The following CLRN1 variants were observed in gnomAD, a reference collection of about 807,000 sequenced individuals.
CLRN1 encodes the protein clarin 1.
CLRN1 carries 15 observed loss-of-function variants against 18.7 expected under a neutral mutation model. The ratio of observed to expected loss-of-function variants is 0.80; its 90% CI spans 0.54 to 1.23. CLRN1 has a LOEUF of 1.23. Among genes scored for constraint, CLRN1 ranks in the 50% most tolerant of loss-of-function variants. The pLI is 0.00. For synonymous variants in CLRN1, 104 were observed against 102.9 expected, an observed-to-expected ratio of 1.01 and a Z score of -0.07; for missense variants, 311 against 277.5, an observed-to-expected ratio of 1.12 and a Z score of -0.86.
chr3:150,938,852 G>A (rs991966687), intron 2 of CLRN1, among the ~76,000 whole-genome samples: 21 of 152,194 alleles, frequency 1.4e-4, no homozygotes, highest in African/African-American at 5.1e-4. Flanking sequence ...ATATATTTGT[G>A]TGCTCAGGTT....
intron 2 of CLRN1, among the ~76,000 whole-genome samples, chr3:150,939,181 G>A (rs879943644): frequency 6.6e-6 from 1 of 152,138 alleles, no homozygotes; most frequent in Non-Finnish European, 1.5e-5. Context: ...GAGCACCAGG[G>A]GGAGAGAGAA....
chr3:150,961,617 C>T (rs887223708), intron 1 of CLRN1, among the ~76,000 whole-genome samples: 6 of 152,122 alleles, frequency 3.9e-5, no homozygotes, highest in Non-Finnish European at 5.9e-5. Flanking sequence ...TCCTGTTTTT[C>T]GTCTCAACCT....
chr3:150,936,982 C>G lies in CLRN1; in HGVS notation c.433+4600G>C, dbSNP rs112357406. ...GTCTTCCCTGACCACCATCTCAAAGCCAGATCTCTGCTATCTTTCTCTTTC... is the reference window on the plus strand; with the variant it reads ...GTCTTCCCTGACCACCATCTCAAAGGCAGATCTCTGCTATCTTTCTCTTTC... On this transcript the variant is annotated intron_variant, in intron 2 of 2. Coordinates refer to ENST00000327047, the MANE Select transcript of CLRN1 (RefSeq NM_174878.3). 8.9e-3 allele frequency among the ~76,000 whole-genome samples: 1,359 copies of G among 152,308 alleles called. 20 individuals carry two copies. Among genetic ancestry groups the G allele is most frequent in the African/African-American group, 0.031 (1,271 of 41,560 alleles).
intron 2 of CLRN1, among the ~76,000 whole-genome samples, chr3:150,930,583 C>T (rs1202681688): frequency 6.6e-6 from 1 of 152,140 alleles, no homozygotes; most frequent in African/African-American, 2.4e-5. Context: ...GAGCTCTCCC[C>T]TGGCAAAACC....
At chr3:150,935,996 G>GT (rs1406575013) in intron 2 of CLRN1, among the ~76,000 whole-genome samples, 5 of 151,808 alleles carry the variant, frequency 3.3e-5, no homozygotes, top group African/African-American at 4.8e-5. Flanking sequence ...GGGGTTGTTT[G>GT]TTTTTTTCTT....
At chr3:150,928,293 A>G (rs906243415) in intron 2 of CLRN1, 92 bp from the exon 3 acceptor site, 11 of 1,455,644 alleles carry the variant, frequency 7.6e-6, no homozygotes, top group Non-Finnish European at 1.0e-5. Flanking sequence ...GAATTCTCTT[A>G]CCATCATCCC....
intron 1 of CLRN1, among the ~76,000 whole-genome samples, chr3:150,948,090 G>C (rs186084027): frequency 6.6e-6 from 1 of 152,238 alleles, no homozygotes; most frequent in Non-Finnish European, 1.5e-5. Context: ...CCATTCAAAA[G>C]ATCAAGAAAT....
chr3:150,963,483 T>C (rs1715123718), intron 1 of CLRN1, among the ~76,000 whole-genome samples: 1 of 152,190 alleles, frequency 6.6e-6, no homozygotes, highest in Non-Finnish European at 1.5e-5. Flanking sequence ...AAAATGGCCA[T>C]ACTGCCCAAA....
chr3:150,952,893 A>C (rs1714562910), intron 1 of CLRN1, among the ~76,000 whole-genome samples: 1 of 152,224 alleles, frequency 6.6e-6, no homozygotes, highest in Admixed American at 6.5e-5. Flanking sequence ...ATGACCCAGC[A>C]GGACACTAAT....
At chr3:150,938,404 G>A (rs987791780) in intron 2 of CLRN1, among the ~76,000 whole-genome samples, 1 of 152,152 alleles carries the variant, frequency 6.6e-6, no homozygotes, top group Non-Finnish European at 1.5e-5. Flanking sequence ...TTGGGTCTTA[G>A]AGCCAGGGTC....
At chr3:150,962,342 T>A (rs1026839944) in intron 1 of CLRN1, among the ~76,000 whole-genome samples, 5 of 152,236 alleles carry the variant, frequency 3.3e-5, no homozygotes, top group African/African-American at 1.2e-4. Context: ...AGCTGCATGA[T>A]GAGATGACAG....
At chr3:150,948,659 GA>G (rs1167180598) in intron 1 of CLRN1, among the ~76,000 whole-genome samples, 1 of 147,714 alleles carries the variant, frequency 6.8e-6, no homozygotes, top group African/African-American at 2.5e-5. Context: ...ACTGGACCAG[GA>G]AAAAACCGAC....
intron 1 of CLRN1, among the ~76,000 whole-genome samples, chr3:150,957,553 C>T (rs1714810633): frequency 6.6e-6 from 1 of 152,190 alleles, no homozygotes; most frequent in African/African-American, 2.4e-5. Flanking sequence ...GAAGGTCTAT[C>T]CTCTAAGGTT....
chr3:150,966,972 T>C (rs1400811424), intron 1 of CLRN1, among the ~76,000 whole-genome samples: 1 of 152,236 alleles, frequency 6.6e-6, no homozygotes, highest in East Asian at 1.9e-4. Context: ...AATCACCTAG[T>C]ATCGTCTCCC....
At chr3:150,963,445 C>T (rs949525377) in intron 1 of CLRN1, among the ~76,000 whole-genome samples, 1 of 152,176 alleles carries the variant, frequency 6.6e-6, no homozygotes. Flanking sequence ...ACATTCCATG[C>T]TCACGGATAG....
In CLRN1 at chr3:150,945,078, G is replaced by A. The variant is rs188231527; in HGVS notation, c.254-3317C>T. On this transcript the variant is annotated intron_variant, in intron 1 of 2. Coordinates refer to ENST00000327047, the MANE Select transcript of CLRN1 (RefSeq NM_174878.3). Reference sequence around the variant, plus strand: ...GTAGTCACCCTCCAGGGCCAGTCCTGCACTTGCATGGGCCTGATAAAGAAT... The same window carrying A: ...GTAGTCACCCTCCAGGGCCAGTCCTACACTTGCATGGGCCTGATAAAGAAT... 2.6e-3 allele frequency among the ~76,000 whole-genome samples: 398 copies of A among 152,316 alleles called. 7 individuals carry two copies. The highest frequency in any genetic ancestry group is 0.019 in the Admixed American group (295 of 15,302).
intron 1 of CLRN1, 143 bp downstream of exon 1, chr3:150,972,313 C>G: frequency 1.0e-6 from 1 of 963,820 alleles, no homozygotes; most frequent in Non-Finnish European, 1.6e-6. Context: ...AGAAATTGCT[C>G]AGAGTCATAG....
intron 2 of CLRN1, among the ~76,000 whole-genome samples, chr3:150,933,163 T>C (rs1465580245): frequency 6.6e-6 from 1 of 152,236 alleles, no homozygotes; most frequent in Non-Finnish European, 1.5e-5. Flanking sequence ...ATTCACTTAT[T>C]CAACAACTAT....
At chr3:150,966,426 G>A (rs190053653) in intron 1 of CLRN1, among the ~76,000 whole-genome samples, 1 of 152,308 alleles carries the variant, frequency 6.6e-6, no homozygotes, top group Non-Finnish European at 1.5e-5. Flanking sequence ...TTTCAGCAAG[G>A]CTTGGAAGAG....
Sources: gnomAD v4.1 joint callset for allele counts (sites outside exome capture counted in the v4.1 genomes callset) on GRCh38, gnomAD v4.1.1 for gene constraint, MANE v1.5 for transcripts, NCBI Gene and HGNC (gene_info 2026-07-23, HGNC 2026-07-21) for gene names.